The following MSRA variants were observed in gnomAD, a reference collection of about 807,000 sequenced individuals.
The protein encoded by MSRA is methionine sulfoxide reductase A, also known as mitochondrial peptide methionine sulfoxide reductase.
Under a neutral mutation model 31.3 loss-of-function variants are expected in MSRA, and 54 were observed. The ratio of observed to expected loss-of-function variants is 1.73; its 90% CI spans 1.39 to 2.17. The LOEUF (loss-of-function observed/expected upper bound fraction) is 2.17. MSRA is among the 30% of genes most tolerant of loss of function. MSRA has a pLI of 0.00. For missense variants in MSRA, 507 were observed against 300.9 expected, an observed-to-expected ratio of 1.69 and a Z score of -5.07; for synonymous variants, 169 against 116.5, an observed-to-expected ratio of 1.45 and a Z score of -2.90.
chr8:10,150,828 T>TG (rs1355074753), intron 1 of MSRA, among the ~76,000 whole-genome samples: 10 of 152,188 alleles, frequency 6.6e-5, no homozygotes, highest in Non-Finnish European at 1.0e-4. Flanking sequence ...ACTGCCCAGT[T>TG]GCATCCCTTT....
intron 5 of MSRA, among the ~76,000 whole-genome samples, chr8:10,390,123 C>T (rs534584498): frequency 6.6e-6 from 1 of 152,370 alleles, no homozygotes; most frequent in South Asian, 2.1e-4. Context: ...CTGACATCCC[C>T]TCTCTGTATT....
intron 1 of MSRA, among the ~76,000 whole-genome samples, chr8:10,164,326 G>A (rs778456835): frequency 7.2e-5 from 11 of 152,052 alleles, no homozygotes; most frequent in Admixed American, 2.0e-4. Context: ...AAATCCCTCC[G>A]AGGGCTGCGT....
intron 5 of MSRA, among the ~76,000 whole-genome samples, chr8:10,424,700 G>T (rs756711338): frequency 1.3e-5 from 2 of 152,174 alleles, no homozygotes; most frequent in Non-Finnish European, 2.9e-5. Context: ...GGAGAGAAAG[G>T]CCTGGGGTGT....
chr8:10,158,783 A>G lies in MSRA; in HGVS notation c.143-49050A>G, dbSNP rs527420582. 2.0e-5 allele frequency among the ~76,000 whole-genome samples: 3 copies of G among 152,288 alleles called. No individual in the cohort carries two copies. The South Asian group carries it at 6.2e-4, about 32-fold the overall frequency. On this transcript the variant is annotated intron_variant, in intron 1 of 5. Transcript: ENST00000317173. ...TTGCTGGGTCATATGGTGACTCTGC[A>G]TTTAACATTTTGAGGAACTTCCACA...
chr8:10,186,004 C>T (rs1426050063), intron 1 of MSRA, among the ~76,000 whole-genome samples: 1 of 152,062 alleles, frequency 6.6e-6, no homozygotes, highest in Non-Finnish European at 1.5e-5. Context: ...ACACTCAGTT[C>T]CTTTGTCCCC....
intron 5 of MSRA, 130 bp downstream of exon 5, chr8:10,320,119 G>T: frequency 1.6e-6 from 1 of 606,742 alleles, no homozygotes; most frequent in Non-Finnish European, 2.9e-6. Flanking sequence ...AGAAATTTCT[G>T]TCAGCCTCTA....
intron 1 of MSRA, among the ~76,000 whole-genome samples, chr8:10,171,596 G>C (rs562835572): frequency 6.6e-6 from 1 of 152,262 alleles, no homozygotes; most frequent in East Asian, 1.9e-4. Flanking sequence ...CAGTGACCAA[G>C]TTGCTGCACA....
chr8:10,175,669 AATAC>A (rs1805986614), intron 1 of MSRA, among the ~76,000 whole-genome samples: 1 of 152,198 alleles, frequency 6.6e-6, no homozygotes, highest in African/African-American at 2.4e-5. Context: ...GTGTTGAATG[AATAC>A]CTGACTTATT....
intron 1 of MSRA, among the ~76,000 whole-genome samples, chr8:10,166,473 C>G (rs1336230604): frequency 6.6e-6 from 1 of 151,998 alleles, no homozygotes; most frequent in African/African-American, 2.4e-5. Context: ...ATTTACATGA[C>G]TACATATGTG....
chr8:10,109,748 G>A (rs1236390500), intron 1 of MSRA, among the ~76,000 whole-genome samples: 1 of 152,184 alleles, frequency 6.6e-6, no homozygotes, highest in Admixed American at 6.5e-5. Flanking sequence ...TTTATATGAT[G>A]AAGCATTTTA....
At chr8:10,362,160 A>G (rs931090751) in intron 5 of MSRA, among the ~76,000 whole-genome samples, 11 of 152,164 alleles carry the variant, frequency 7.2e-5, no homozygotes, top group African/African-American at 2.4e-5. Flanking sequence ...TAAAATGGAT[A>G]TAAAAATCTC....
In MSRA at chr8:10,293,317, C is replaced by T. The variant is rs375423109; in HGVS notation, c.332-8217C>T. 7.2e-5 allele frequency among the ~76,000 whole-genome samples: 11 copies of T among 152,300 alleles called. No individual in the cohort carries two copies. In the South Asian group the frequency reaches 2.3e-3, roughly 32 times the overall value. The stretch of plus-strand genomic sequence containing the variant: ...CATGAGCCACTTTGTGGCTTTGCAA[C>T]AACAAAGATGAGCTACTGCTTCCAT... On this transcript the variant is annotated intron_variant, in intron 3 of 5. Coordinates refer to ENST00000317173, the MANE Select transcript of MSRA (RefSeq NM_012331.5).
chr8:10,423,365 C>T (rs1021084133), intron 5 of MSRA, among the ~76,000 whole-genome samples: 3 of 152,158 alleles, frequency 2.0e-5, no homozygotes, highest in East Asian at 3.9e-4. Context: ...AACACGCTAC[C>T]TAGGAACCCC....
At chr8:10,399,514 C>T (rs1807310090) in intron 5 of MSRA, among the ~76,000 whole-genome samples, 2 of 152,128 alleles carry the variant, frequency 1.3e-5, no homozygotes, top group South Asian at 4.2e-4. Flanking sequence ...GGCCGTGCAC[C>T]TGCTACCACT....
chr8:10,245,450 A>G (rs547562912), intron 3 of MSRA, among the ~76,000 whole-genome samples: 3 of 152,346 alleles, frequency 2.0e-5, no homozygotes, highest in African/African-American at 4.8e-5. Context: ...CAACCACTCT[A>G]AAACATGGTG....
intron 3 of MSRA, among the ~76,000 whole-genome samples, chr8:10,257,225 TAGGC>T (rs1229420097): frequency 1.3e-5 from 2 of 151,962 alleles, no homozygotes; most frequent in African/African-American, 4.8e-5. Context: ...AGAGGATCCT[TAGGC>T]AGCCTGGAAG....
intron 1 of MSRA, among the ~76,000 whole-genome samples, chr8:10,070,169 C>T (rs930088455): frequency 1.4e-4 from 21 of 152,272 alleles, no homozygotes; most frequent in African/African-American, 4.6e-4. Context: ...TAGCTGATGC[C>T]CACCTTTCTA....
intron 1 of MSRA, among the ~76,000 whole-genome samples, chr8:10,129,478 CT>C (rs1563129449): frequency 6.6e-6 from 1 of 152,014 alleles, no homozygotes; most frequent in East Asian, 1.9e-4. Context: ...TTGATTCACC[CT>C]TGAGCAGACA....
At chr8:10,271,675 T>A (rs1469499034) in intron 3 of MSRA, among the ~76,000 whole-genome samples, 2 of 152,108 alleles carry the variant, frequency 1.3e-5, no homozygotes, top group Non-Finnish European at 2.9e-5. Context: ...AATAGTTTGC[T>A]GTAGAATTCC....
Sources: gnomAD v4.1 joint callset for allele counts (sites outside exome capture counted in the v4.1 genomes callset) on GRCh38, gnomAD v4.1.1 for gene constraint, MANE v1.5 for transcripts, NCBI Gene and HGNC (gene_info 2026-07-23, HGNC 2026-07-21) for gene names.